RTL1: variants seen among roughly 807,000 people sequenced by gnomAD.
RTL1 encodes retrotransposon Gag like 1.
For synonymous variants in RTL1, 727 were observed against 748.4 expected (o/e 0.97, Z 0.47); for missense variants, 1,681 against 1,767.5 (o/e 0.95, Z 0.88).
chr14:100,895,838 C>T (rs894870936), intron 2 of RTL1, among the ~76,000 whole-genome samples: 11 of 151,998 alleles, frequency 7.2e-5, no homozygotes, highest in East Asian at 1.9e-4. Flanking sequence ...TTTCGGAGGC[C>T]GAGGCCGGTG....
intron 2 of RTL1, among the ~76,000 whole-genome samples, chr14:100,894,117 C>T (rs975127040): frequency 3.3e-5 from 5 of 152,078 alleles, no homozygotes; most frequent in African/African-American, 1.2e-4. Flanking sequence ...CAAGACCAGC[C>T]TGGCTGACAC....
At chr14:100,896,380 C>T (rs1431333290) in intron 2 of RTL1, among the ~76,000 whole-genome samples, 1 of 152,008 alleles carries the variant, frequency 6.6e-6, no homozygotes, top group South Asian at 2.1e-4. Flanking sequence ...GTGATCTGTG[C>T]GGATGGAGAC....
rs756017762 is a variant in RTL1 at position 100,881,845 on chromosome 14, T to C, written c.2944A>G (p.Met982Val). 6.2e-6 allele frequency: 10 copies of C among 1,613,826 alleles called. No individual in the cohort carries two copies. The South Asian group carries it at 8.8e-5, about 14-fold the overall frequency. ...CCGCCGTCTTGTTCTGGCAGCTCCATGACGTCAAAGTTGAAGTGGGAGAAG... is the reference window on the plus strand; with the variant it reads ...CCGCCGTCTTGTTCTGGCAGCTCCACGACGTCAAAGTTGAAGTGGGAGAAG... ...FFFSHFNFDV[M>V]ELPEQDGGRA... Residue 982 changes from methionine (M) to valine (V), a missense_variant, in exon 4 of 4, where the codon ATG becomes GTG. Coordinates refer to ENST00000649591, the MANE Select transcript of RTL1 (RefSeq NM_001134888.3). This position sits in a 1 kb window ranked among gnomAD's most constrained non-coding sequence, Gnocchi z 6.6.
Position 100,890,091 on chromosome 14 carries a change from A to AG in RTL1, c.-87+3352_-87+3353insC, listed in dbSNP as rs1198876071. On this transcript the variant is annotated intron_variant, in intron 3 of 3. Transcript: ENST00000649591. Reference sequence around the variant, plus strand: ...CCTTATTTGAAAAAAAAAAAAAAAAAAAGAAGCCCAGAATTTAATGCTGCT... The same window carrying AG: ...CCTTATTTGAAAAAAAAAAAAAAAAAGAAGAAGCCCAGAATTTAATGCTGCT... Among the ~76,000 whole-genome samples the AG allele has an allele frequency of 4.0e-5, 6 of 151,550 alleles. No homozygotes were observed. The South Asian group carries it at 6.3e-4, about 16-fold the overall frequency.
At chr14:100,898,073 G>T in intron 2 of RTL1, 1 of 412,116 alleles carries the variant, frequency 2.4e-6, no homozygotes, top group South Asian at 1.9e-5. Context: ...CACCATTGTT[G>T]ATTACACTCT....
In RTL1 at chr14:100,883,459, G is replaced by C. The variant is rs1335407264; in HGVS notation, c.1330C>G (p.Gln444Glu). The C allele has an allele frequency of 2.6e-6, 4 of 1,551,132 alleles. No homozygotes were observed. The highest frequency in any genetic ancestry group is 3.5e-6 in the Non-Finnish European group (4 of 1,146,828). The stretch of plus-strand genomic sequence containing the variant: ...TCGTAGAGCTCGACGTAGTGCTCTT[G>C]GGCGAACTTCTCATCCATGAAGTTG... ...DGNFMDEKFA[Q>E]EHYVELYEKP... The change falls in exon 4 of 4, where the codon CAA (glutamine) becomes GAA (glutamate). Residue 444 changes from glutamine (Q) to glutamate (E), a missense_variant. Physicochemically the swap from Gln to Glu is conservative, Grantham distance 29 (BLOSUM62 2). Coordinates refer to ENST00000649591, the MANE Select transcript of RTL1 (RefSeq NM_001134888.3). This position sits in a 1 kb window ranked among gnomAD's most constrained non-coding sequence, Gnocchi z 5.9.
chr14:100,885,664 G>T (rs377727423), intron 3 of RTL1, among the ~76,000 whole-genome samples: 2 of 151,554 alleles, frequency 1.3e-5, no homozygotes, highest in African/African-American at 4.9e-5. Context: ...ATGTTCTCCC[G>T]ACCTCTGAGC....
Position 100,893,679 on chromosome 14 carries a change from G to C in RTL1, c.-148-174C>G, listed in dbSNP as rs971968351. On this transcript the variant is annotated intron_variant, in intron 2 of 3. Transcript: ENST00000649591. This position sits in a 1 kb window ranked among gnomAD's most constrained non-coding sequence, Gnocchi z 4.2. ...CCACGTGGCTACGTTGGGGACCTCC[G>C]TGATGCTTCCTGAGTGCTTACTATG... is the stretch of plus-strand genomic sequence containing the variant. Among the ~76,000 whole-genome samples, 17 of 152,196 alleles carry C rather than the reference G, an allele frequency of 1.1e-4. No homozygotes were observed. The highest frequency in any genetic ancestry group is 9.8e-4 in the Admixed American group (15 of 15,288).
intron 3 of RTL1, among the ~76,000 whole-genome samples, chr14:100,886,724 TAAA>T (rs2038702139): frequency 9.0e-6 from 1 of 111,572 alleles, no homozygotes; most frequent in African/African-American, 2.6e-5. Context: ...GAAATACAAA[TAAA>T]TAATTCTAAT....
rs2038610908 is a variant in RTL1 at position 100,881,424 on chromosome 14, C to CGCTGGG, written c.3359_3364dup (p.Pro1120_Gln1121dup). On this transcript the variant is annotated inframe_insertion, in exon 4 of 4. Coordinates refer to ENST00000649591, the MANE Select transcript of RTL1 (RefSeq NM_001134888.3). This position sits in a 1 kb window ranked among gnomAD's most constrained non-coding sequence, Gnocchi z 6.6. ...CGAATCCAGGATGAGTCGTAGGGAG[C>CGCTGGG]GCTGGGGCTGGGGCCGAGCCACCCG... The CGCTGGG allele has an allele frequency of 4.5e-6, 7 of 1,550,742 alleles. No individual in the cohort carries two copies. The African/African-American group carries it at 9.6e-5, about 21-fold the overall frequency.
rs5811014 is a variant in RTL1, at chr14:100,885,523, G to GT, written c.-86-650dup. On this transcript the variant is annotated intron_variant, in intron 3 of 3. Transcript: ENST00000649591. ...TTTCAGGGGGTGTGTACAGGTCTGG[G>GT]TTTTTTTTTTTTTTTTCCATAAATT... Among the ~76,000 whole-genome samples, 1,168 of 141,474 alleles carry GT rather than the reference G, an allele frequency of 8.3e-3. 8 individuals carry two copies. Among genetic ancestry groups the GT allele is most frequent in the East Asian group, 0.022 (107 of 4,922 alleles). 92.8% of individuals were successfully genotyped at this position (141,474 alleles called of 152,430 possible). A position where few individuals can be genotyped will look rare whatever the true frequency, so the allele number is the denominator to read the frequency against.
chr14:100,881,498 C>T lies in RTL1; in HGVS notation c.3291G>A (p.Val1097=). The change falls in exon 4 of 4, where the codon GTG becomes GTA. Residue 1097 remains valine (V), a synonymous_variant. Transcript: ENST00000649591. The surrounding 1 kb of genome is among the most constrained non-coding windows in gnomAD (Gnocchi z 6.6). ...AGAGGCATTGCCTCACGCGCAGTAG[C>T]ACGAGGATGGCTGCCAGGGCTAGGG... is the stretch of plus-strand genomic sequence containing the variant. ...KNTLALAAIL[V]LLRVRQCLSL... 1 of 1,551,530 alleles carries T rather than the reference C, an allele frequency of 6.4e-7. No individual in the cohort carries two copies. Among genetic ancestry groups the T allele is most frequent in the Non-Finnish European group, 8.7e-7 (1 of 1,146,970 alleles).
In RTL1 at chr14:100,881,424, C is replaced by G. The variant is rs1006137561; in HGVS notation, c.3365G>C (p.Arg1122Pro). The change falls in exon 4 of 4, where the codon CGC becomes CCC. Residue 1122 changes from arginine (R) to proline (P), a missense_variant. Physicochemically the swap from Arg to Pro is moderately radical, Grantham distance 103 (BLOSUM62 -2). Coordinates refer to ENST00000649591, the MANE Select transcript of RTL1 (RefSeq NM_001134888.3). This position sits in a 1 kb window ranked among gnomAD's most constrained non-coding sequence, Gnocchi z 6.6. Reference sequence around the variant, plus strand: ...CGAATCCAGGATGAGTCGTAGGGAGCGCTGGGGCTGGGGCCGAGCCACCCG... The same window carrying G: ...CGAATCCAGGATGAGTCGTAGGGAGGGCTGGGGCTGGGGCCGAGCCACCCG... Reference protein sequence around the residue: ...AMRVARPQPQRSLRLILDSSL... With the variant: ...AMRVARPQPQPSLRLILDSSL... 1.3e-6 allele frequency: 2 copies of G among 1,550,742 alleles called. No individual in the cohort carries two copies.
chr14:100,900,409 G>T (rs1288653823), intron 2 of RTL1, among the ~76,000 whole-genome samples: 4 of 152,236 alleles, frequency 2.6e-5, no homozygotes, highest in African/African-American at 9.6e-5. Flanking sequence ...TCCGCTCTCC[G>T]AAATGTTTGA....
chr14:100,891,181 C>G lies in RTL1; in HGVS notation c.-87+2263G>C, dbSNP rs541296268. Among the ~76,000 whole-genome samples the G allele has an allele frequency of 9.2e-5, 14 of 152,234 alleles. No homozygotes were observed. The South Asian group carries it at 2.7e-3, about 29-fold the overall frequency. The stretch of plus-strand genomic sequence containing the variant: ...CATAGCTTATGTTGGAGTCCCTCCC[C>G]CCGGGACCCTTCAATCTTGCACACC... On this transcript the variant is annotated intron_variant, in intron 3 of 3. Transcript: ENST00000649591.
Position 100,881,909 on chromosome 14 carries a change from G to C in RTL1, c.2880C>G (p.Asp960Glu). 1 of 1,613,640 alleles carries C rather than the reference G, an allele frequency of 6.2e-7. No homozygotes were observed. The highest frequency in any genetic ancestry group is 8.5e-7 in the Non-Finnish European group (1 of 1,180,036). Reference protein sequence around the residue: ...NTEDLASLNNDRLTVLLPGHW... With the variant: ...NTEDLASLNNERLTVLLPGHW... ...GCCCGGGGAGAAGTACGGTGAGCCT[G>C]TCATTATTCAGAGAGGCTAGATCCT... The change falls in exon 4 of 4, where the codon GAC (aspartate) becomes GAG (glutamate). Residue 960 changes from aspartate (D) to glutamate (E), a missense_variant. Physicochemically the swap from Asp to Glu is conservative, Grantham distance 45 (BLOSUM62 2). Transcript: ENST00000649591. The surrounding 1 kb of genome is among the most constrained non-coding windows in gnomAD (Gnocchi z 6.6).
At chr14:100,885,852 T>C (rs528458902) in intron 3 of RTL1, among the ~76,000 whole-genome samples, 21 of 152,162 alleles carry the variant, frequency 1.4e-4, no homozygotes, top group Non-Finnish European at 2.6e-4. Flanking sequence ...CGCCAGTGGG[T>C]CTGGTCTCCT....
chr14:100,884,815 T>G lies in RTL1; in HGVS notation c.-27A>C. 1 of 1,530,792 alleles carries G rather than the reference T, an allele frequency of 6.5e-7. No homozygotes were observed. The highest frequency in any genetic ancestry group is 8.8e-7 in the Non-Finnish European group (1 of 1,138,730). 94.8% of individuals were successfully genotyped at this position (1,530,792 alleles called of 1,614,324 possible). A position where few individuals can be genotyped will look rare whatever the true frequency, so the allele number is the denominator to read the frequency against. On this transcript the variant is annotated 5_prime_UTR_variant, in exon 4 of 4. Coordinates refer to ENST00000649591, the MANE Select transcript of RTL1 (RefSeq NM_001134888.3). ...TCGTCGGATGGAAAGGAGTGTATTCTGAAGATTGGTAAGGTTGTGATGGCG... is the reference window on the plus strand; with the variant it reads ...TCGTCGGATGGAAAGGAGTGTATTCGGAAGATTGGTAAGGTTGTGATGGCG...
chr14:100,882,908 G>C lies in RTL1; in HGVS notation c.1881C>G (p.Ala627=), dbSNP rs755908106. The part of the protein sequence containing the change: ...EPVGARMQER[A]RLQEEYWDLQ... Reference sequence around the variant, plus strand: ...GGTCCCAGTATTCCTCCTGTAGCCTGGCTCTTTCTTGCATCCTGGCACCCA... The same window carrying C: ...GGTCCCAGTATTCCTCCTGTAGCCTCGCTCTTTCTTGCATCCTGGCACCCA... The change falls in exon 4 of 4, where the codon GCC becomes GCG. Residue 627 remains alanine (A), a synonymous_variant. Coordinates refer to ENST00000649591, the MANE Select transcript of RTL1 (RefSeq NM_001134888.3). 10 of 1,605,230 alleles carry C rather than the reference G, an allele frequency of 6.2e-6. No individual in the cohort carries two copies. Among genetic ancestry groups the C allele is most frequent in the Non-Finnish European group, 7.7e-6 (9 of 1,175,018 alleles).
Sources: allele counts gnomAD v4.1 joint callset (sites outside exome capture counted in the v4.1 genomes callset), GRCh38; gene constraint gnomAD v4.1.1; non-coding constraint Gnocchi (gnomAD v3.1); transcripts MANE v1.5; gene names NCBI Gene and HGNC (gene_info 2026-07-23, HGNC 2026-07-21).